PHKB: variants seen among roughly 807,000 people sequenced by gnomAD.
The protein encoded by PHKB is phosphorylase kinase regulatory subunit beta.
In PHKB, 122 loss-of-function variants were observed where a neutral mutation model predicts 152.1. The observed-to-expected ratio is 0.80, with a 90% CI of 0.69 to 0.93. PHKB has a LOEUF of 0.93. Among genes scored for constraint, PHKB ranks in the 40% least tolerant of loss-of-function variants. PHKB has a pLI of 0.00. For synonymous variants in PHKB, 436 were observed against 464.9 expected (o/e 0.94, Z 0.80); for missense variants, 1,304 against 1,328.4 (o/e 0.98, Z 0.29).
chr16:47,588,304 TA>T (rs762697540), intron 9 of PHKB, among the ~76,000 whole-genome samples: 215 of 139,658 alleles, frequency 1.5e-3, no homozygotes, highest in Non-Finnish European at 1.2e-3. Context: ...AGATTATCAT[TA>T]AAAAAAAAAA....
chr16:47,696,408 T>A lies in PHKB; in HGVS notation c.2923T>A (p.Tyr975Asn), dbSNP rs111734407. ...QQPTLSDMTM[Y>N]EMNFSLLVED... Reference sequence around the variant, plus strand: ...ACCAACCCTGTCAGATATGACCATGTATGAGATGAATTTCTCTCTCCTTGT... The same window carrying A: ...ACCAACCCTGTCAGATATGACCATGAATGAGATGAATTTCTCTCTCCTTGT... The change falls in exon 29 of 31, where the codon TAT becomes AAT. Residue 975 changes from tyrosine (Y) to asparagine (N), a missense_variant. Transcript: ENST00000323584. 39 of 1,607,488 alleles carry A rather than the reference T, an allele frequency of 2.4e-5. No individual in the cohort carries two copies. Among genetic ancestry groups the A allele is most frequent in the African/African-American group, 4.0e-5 (3 of 74,804 alleles).
chr16:47,544,753 T>C (rs1971127968), intron 6 of PHKB, among the ~76,000 whole-genome samples: 1 of 152,234 alleles, frequency 6.6e-6, no homozygotes, highest in African/African-American at 2.4e-5. Flanking sequence ...AAGGACTTGC[T>C]TTATGAATCT....
At chr16:47,497,251 C>G (rs1027620194) in intron 1 of PHKB, 148 bp from the exon 2 acceptor site, 3 of 629,064 alleles carry the variant, frequency 4.8e-6, no homozygotes, top group Admixed American at 5.2e-5. Flanking sequence ...GTTCCCCCAG[C>G]AAGAAGGTTT....
chr16:47,492,279 A>T (rs1214109308), intron 1 of PHKB, among the ~76,000 whole-genome samples: 1 of 152,220 alleles, frequency 6.6e-6, no homozygotes, highest in Non-Finnish European at 1.5e-5. Context: ...TTGGCTACAG[A>T]TTAAGACCAG....
intron 14 of PHKB, among the ~76,000 whole-genome samples, chr16:47,628,868 G>A (rs1008054758): frequency 4.0e-5 from 6 of 151,804 alleles, no homozygotes; most frequent in Middle Eastern, 3.2e-3. Flanking sequence ...AAATAATGCC[G>A]CATATCTACA....
At chr16:47,465,440 G>A (rs1037552094) in intron 1 of PHKB, among the ~76,000 whole-genome samples, 1 of 152,100 alleles carries the variant, frequency 6.6e-6, no homozygotes, top group African/African-American at 2.4e-5. Flanking sequence ...AGTGTTTGAA[G>A]GTATATACAA....
chr16:47,559,567 A>G (rs1275113907), intron 7 of PHKB, among the ~76,000 whole-genome samples: 3 of 152,184 alleles, frequency 2.0e-5, no homozygotes, highest in Non-Finnish European at 4.4e-5. Context: ...TCACTCAGGT[A>G]TCTGAGTGTT....
At chr16:47,490,634 G>A (rs577553167) in intron 1 of PHKB, among the ~76,000 whole-genome samples, 33 of 152,126 alleles carry the variant, frequency 2.2e-4, no homozygotes, top group African/African-American at 7.5e-4. Context: ...TTTGATTTTG[G>A]GAAGCCTGTT....
chr16:47,629,420 A>G (rs1325004217), intron 14 of PHKB, among the ~76,000 whole-genome samples: 4 of 152,228 alleles, frequency 2.6e-5, no homozygotes, highest in East Asian at 1.9e-4. Flanking sequence ...AACACATGAA[A>G]AAATGGTCAT....
intron 20 of PHKB, among the ~76,000 whole-genome samples, chr16:47,660,272 T>C (rs1188787821): frequency 6.6e-6 from 1 of 152,240 alleles, no homozygotes; most frequent in East Asian, 1.9e-4. Context: ...TGTTGACCTA[T>C]TTATAATGAC....
chr16:47,514,252 T>A (rs1970558273), intron 5 of PHKB, among the ~76,000 whole-genome samples: 1 of 152,006 alleles, frequency 6.6e-6, no homozygotes, highest in African/African-American at 2.4e-5. Flanking sequence ...GTTGGAGGAA[T>A]TGACCCACAC....
At chr16:47,544,075 TTCTC>T (rs1971113277) in intron 6 of PHKB, among the ~76,000 whole-genome samples, 2 of 152,128 alleles carry the variant, frequency 1.3e-5, no homozygotes. Context: ...GATTTTTTGT[TTCTC>T]TATCTCCTTC....
At chr16:47,590,360 T>G (rs1267221423) in intron 10 of PHKB, 2 of 151,754 alleles carry the variant, frequency 1.3e-5, no homozygotes, top group Non-Finnish European at 2.9e-5. Context: ...GCTCAAGTGA[T>G]TCTCCTGCCT....
rs143497451 is a variant in PHKB, at chr16:47,579,725, A to G, written c.711-570A>G. ...TAGGACACTAAGGGAAATAGTATTC[A>G]TTTTATTATAAAGGGAAGAATATAG... is the stretch of plus-strand genomic sequence containing the variant. On this transcript the variant is annotated intron_variant, in intron 7 of 30. Coordinates refer to ENST00000323584, the MANE Select transcript of PHKB (RefSeq NM_000293.3). 2.7e-3 allele frequency among the ~76,000 whole-genome samples: 415 copies of G among 152,258 alleles called. 2 individuals are homozygous for G. The highest frequency in any genetic ancestry group is 0.01 in the Middle Eastern group (3 of 294).
At chr16:47,677,937 A>C (rs1364321255) in intron 26 of PHKB, among the ~76,000 whole-genome samples, 1 of 114,268 alleles carries the variant, frequency 8.8e-6, no homozygotes, top group Admixed American at 1.1e-4. Context: ...ACCCCACAAC[A>C]GTCCCCGGAG....
chr16:47,599,016 G>A (rs957625994), intron 13 of PHKB: 2 of 789,546 alleles, frequency 2.5e-6, no homozygotes, highest in African/African-American at 1.7e-5. Context: ...CAGCGCCAAC[G>A]ATTCGATCAA....
chr16:47,462,643 A>T (rs1567266633), intron 1 of PHKB: 1 of 152,154 alleles, frequency 6.6e-6, no homozygotes, highest in African/African-American at 2.4e-5. Flanking sequence ...CAAAAAAAAA[A>T]AAAATTATTT....
intron 23 of PHKB, among the ~76,000 whole-genome samples, chr16:47,663,190 A>G (rs1335761082): frequency 1.3e-5 from 2 of 152,178 alleles, no homozygotes; most frequent in Non-Finnish European, 2.9e-5. Flanking sequence ...CAGTGGCCAA[A>G]TAATGAAACC....
intron 1 of PHKB, among the ~76,000 whole-genome samples, chr16:47,471,502 T>C (rs1413819960): frequency 6.6e-6 from 1 of 152,172 alleles, no homozygotes; most frequent in Non-Finnish European, 1.5e-5. Flanking sequence ...CTGTGTGTCA[T>C]ATAGCTCTAT....
Sources: allele counts gnomAD v4.1 joint callset (sites outside exome capture counted in the v4.1 genomes callset), GRCh38; gene constraint gnomAD v4.1.1; transcripts MANE v1.5; gene names NCBI Gene and HGNC (gene_info 2026-07-23, HGNC 2026-07-21).